The following ITGA9 variants were observed in gnomAD, a reference collection of about 807,000 sequenced individuals.
ITGA9 encodes integrin subunit alpha 9.
ITGA9 carries 56 observed loss-of-function variants against 127.8 expected under a neutral mutation model. That is an observed-to-expected ratio of 0.44 (90% CI 0.35 to 0.55). ITGA9 has a LOEUF of 0.55. Ranked by LOEUF, ITGA9 falls within the 20% of genes least tolerant of loss-of-function variation. ITGA9 has a pLI of 0.00. For missense variants in ITGA9, 1,196 were observed against 1,347.1 expected (o/e 0.89, Z 1.76); for synonymous variants, 508 against 514.5 (o/e 0.99, Z 0.17).
intron 15 of ITGA9, among the ~76,000 whole-genome samples, chr3:37,565,182 C>T (rs370730621): frequency 6.6e-6 from 1 of 152,204 alleles, no homozygotes; most frequent in South Asian, 2.1e-4. Context: ...AGCTCATTTA[C>T]CTGAACGCCC....
intron 15 of ITGA9, among the ~76,000 whole-genome samples, chr3:37,598,358 G>C (rs1699887451): frequency 6.6e-6 from 1 of 152,188 alleles, no homozygotes; most frequent in South Asian, 2.1e-4. Flanking sequence ...TCTCTGCCCT[G>C]GGGGAGGGGA....
Position 37,474,103 on chromosome 3 carries a change from A to G in ITGA9, c.420+643A>G, listed in dbSNP as rs1373557664. Among the ~76,000 whole-genome samples, 4 of 152,178 alleles carry G rather than the reference A, an allele frequency of 2.6e-5. No individual in the cohort carries two copies. The East Asian group carries it at 7.7e-4, about 29-fold the overall frequency. On this transcript the variant is annotated intron_variant, in intron 3 of 27. Transcript: ENST00000264741. ...TATTACATTTTATGAAATAAATGTT[A>G]TTTTTAACTAGTTATTTATCGGACC...
At chr3:37,571,056 G>A (rs1028634204) in intron 15 of ITGA9, among the ~76,000 whole-genome samples, 3 of 152,226 alleles carry the variant, frequency 2.0e-5, no homozygotes, top group African/African-American at 2.4e-5. Flanking sequence ...TGGTAATTTA[G>A]AAGAAAAGAA....
chr3:37,780,146 G>GC (rs1445194189), intron 25 of ITGA9, 125 bp downstream of exon 25: 48 of 1,197,478 alleles, frequency 4.0e-5, no homozygotes, highest in East Asian at 4.8e-5. Context: ...CAATCTGGCT[G>GC]CCCCCCCTTT....
At chr3:37,689,093 T>C (rs1364083461) in intron 18 of ITGA9, among the ~76,000 whole-genome samples, 4 of 152,026 alleles carry the variant, frequency 2.6e-5, no homozygotes, top group Non-Finnish European at 5.9e-5. Flanking sequence ...TGGATGATTA[T>C]TCATTTTGTG....
At chr3:37,457,307 A>G (rs1415920178) in intron 1 of ITGA9, among the ~76,000 whole-genome samples, 5 of 152,200 alleles carry the variant, frequency 3.3e-5, no homozygotes, top group Admixed American at 3.3e-4. Flanking sequence ...GTGTGTCTCA[A>G]ATGAAATTTA....
intron 16 of ITGA9, among the ~76,000 whole-genome samples, chr3:37,648,058 G>T (rs1700396373): frequency 6.6e-6 from 1 of 152,024 alleles, no homozygotes; most frequent in East Asian, 1.9e-4. Flanking sequence ...GAATTGCAGG[G>T]TCATATAGTA....
intron 18 of ITGA9, among the ~76,000 whole-genome samples, chr3:37,721,954 G>C (rs1485304902): frequency 6.6e-6 from 1 of 152,136 alleles, no homozygotes; most frequent in Non-Finnish European, 1.5e-5. Context: ...GAATCAGATG[G>C]TATGACTCCC....
intron 5 of ITGA9, among the ~76,000 whole-genome samples, chr3:37,495,988 T>G (rs1384057845): frequency 6.6e-6 from 1 of 152,066 alleles, no homozygotes; most frequent in African/African-American, 2.4e-5. Flanking sequence ...CTCTCTCTTT[T>G]CCTCACTCCA....
chr3:37,676,972 T>A (rs1700688163), intron 17 of ITGA9, among the ~76,000 whole-genome samples: 1 of 152,230 alleles, frequency 6.6e-6, no homozygotes, highest in South Asian at 2.1e-4. Context: ...AGTTTTAGGA[T>A]CATTCTTTCA....
chr3:37,822,037 A>G lies in ITGA9; in HGVS notation c.*3048A>G, dbSNP rs562262408. ...CCTTCCCAGCTCAGAAGCCCTCTCT[A>G]TGCTCTCAGGGGAAGCAGATGGGGT... On this transcript the variant is annotated 3_prime_UTR_variant, in exon 28 of 28. Coordinates refer to ENST00000264741, the MANE Select transcript of ITGA9 (RefSeq NM_002207.3). 115 of 152,220 alleles carry G rather than the reference A, an allele frequency of 7.6e-4. No individual in the cohort carries two copies. The highest frequency in any genetic ancestry group is 2.5e-3 in the African/African-American group (104 of 41,540). The allele number at this position is 152,220 out of a possible 1,614,324, so 9.4% of individuals were successfully genotyped here.
intron 23 of ITGA9, among the ~76,000 whole-genome samples, chr3:37,774,869 A>G (rs1696887997): frequency 6.6e-6 from 1 of 152,210 alleles, no homozygotes; most frequent in Non-Finnish European, 1.5e-5. Flanking sequence ...CACCTTATTT[A>G]TTTTCAGACA....
rs572503710 is a variant in ITGA9, at chr3:37,680,869, A to G, written c.1917-2996A>G. Among the ~76,000 whole-genome samples the G allele has an allele frequency of 5.5e-4, 84 of 152,376 alleles. 1 individual carries two copies. Among genetic ancestry groups the G allele is most frequent in the African/African-American group, 2.0e-3 (83 of 41,588 alleles). ...TGGCCAACAATAATAAATAATTGCC[A>G]CAATAGCTTGAGATCAGGGTCTTAA... On this transcript the variant is annotated intron_variant, in intron 17 of 27. Coordinates refer to ENST00000264741, the MANE Select transcript of ITGA9 (RefSeq NM_002207.3).
At position 37,515,993 on chromosome 3, in the gene ITGA9, G is replaced by T. The variant is rs187792259; in HGVS notation, c.1036-1511G>T. ...ACATTCCAGGAAGTCAGGGCAGGGT[G>T]CAGGGAGAAATGAAGGGGACATTAA... is the stretch of plus-strand genomic sequence containing the variant. On this transcript the variant is annotated intron_variant, in intron 9 of 27. Coordinates refer to ENST00000264741, the MANE Select transcript of ITGA9 (RefSeq NM_002207.3). Among the ~76,000 whole-genome samples, 157 of 152,364 alleles carry T rather than the reference G, an allele frequency of 1.0e-3. 1 individual carries two copies. The highest frequency in any genetic ancestry group is 2.2e-3 in the Admixed American group (34 of 15,308).
intron 9 of ITGA9, among the ~76,000 whole-genome samples, chr3:37,516,912 T>C (rs17036488): frequency 0.043 from 6,494 of 152,200 alleles, 395 homozygotes; most frequent in African/African-American, 0.14. Context: ...TGGTTAGTAT[T>C]TTCTCAGGAA....
chr3:37,479,464 G>A (rs1245204400), intron 3 of ITGA9, among the ~76,000 whole-genome samples: 1 of 152,236 alleles, frequency 6.6e-6, no homozygotes, highest in African/African-American at 2.4e-5. Flanking sequence ...GAGTGGCCTT[G>A]TCCAGGGCCT....
At chr3:37,484,444 A>G (rs939680933) in intron 4 of ITGA9, among the ~76,000 whole-genome samples, 4 of 152,160 alleles carry the variant, frequency 2.6e-5, no homozygotes, top group Non-Finnish European at 5.9e-5. Flanking sequence ...AACTAGACCT[A>G]CTATGGCTTT....
intron 16 of ITGA9, among the ~76,000 whole-genome samples, chr3:37,647,784 A>G (rs950844504): frequency 1.2e-4 from 19 of 152,122 alleles, no homozygotes; most frequent in African/African-American, 4.6e-4. Flanking sequence ...AGTTTCATCC[A>G]TGTTATCAAA....
chr3:37,804,760 A>G (rs1575246072), intron 27 of ITGA9, among the ~76,000 whole-genome samples: 1 of 152,336 alleles, frequency 6.6e-6, no homozygotes, highest in South Asian at 2.1e-4. Flanking sequence ...TTAGAGTATT[A>G]TAGATGGATA....
Sources: allele counts gnomAD v4.1 joint callset (sites outside exome capture counted in the v4.1 genomes callset), GRCh38; gene constraint gnomAD v4.1.1; transcripts MANE v1.5; gene names NCBI Gene and HGNC (gene_info 2026-07-23, HGNC 2026-07-21).